Variants in PHF24 observed in about 807,000 individuals in gnomAD.
PHF24 encodes the protein Galpha inhibitory interacting protein.
A neutral mutation model predicts 42.6 loss-of-function variants in PHF24; 25 were observed. That is an observed-to-expected ratio of 0.59 (90% confidence interval 0.43 to 0.82). The LOEUF (loss-of-function observed/expected upper bound fraction) is 0.82, where lower values mean the gene tolerates loss of function less well. Among genes scored for constraint, PHF24 ranks in the 40% least tolerant of loss-of-function variants. PHF24 has a pLI of 0.00. For missense variants in PHF24, 470 were observed against 538.1 expected (o/e 0.87, Z 1.25); for synonymous variants, 185 against 204.8 (o/e 0.90, Z 0.83).
chr9:34,722,275 A>G, the PHF24 span, among the ~76,000 whole-genome samples: 1 of 152,300 alleles, frequency 6.6e-6, no homozygotes, highest in East Asian at 1.9e-4. Context: ...TAGAGAGAAC[A>G]GGATTTACTG....
At chr9:34,936,186 A>G in the PHF24 span, among the ~76,000 whole-genome samples, 15 of 152,020 alleles carry the variant, frequency 9.9e-5, no homozygotes, top group Admixed American at 3.3e-4. Context: ...CTCCTGCCTC[A>G]GCCTGCCGAG....
chr9:34,760,755 G>A, the PHF24 span, among the ~76,000 whole-genome samples: 4 of 152,252 alleles, frequency 2.6e-5, no homozygotes, highest in African/African-American at 9.6e-5. Context: ...ACTTTGTGAG[G>A]CCGAGGTGGG....
At chr9:34,766,494 A>C in the PHF24 span, among the ~76,000 whole-genome samples, 1 of 152,122 alleles carries the variant, frequency 6.6e-6, no homozygotes. Flanking sequence ...TGGTCTCATC[A>C]GCTCCTGAGG....
chr9:34,979,645 G>C (rs889957985), exon 8 of PHF24: 1 of 152,196 alleles, frequency 6.6e-6, no homozygotes, highest in Non-Finnish European at 1.5e-5. Context: ...GTGCTAAATC[G>C]GGTGCGTACA....
At chr9:34,835,945 T>C in the PHF24 span, 1 of 739,494 alleles carries the variant, frequency 1.4e-6, no homozygotes, top group Admixed American at 2.0e-5. Flanking sequence ...GTCATTCTCA[T>C]CCGCCAGCAA....
the PHF24 span, among the ~76,000 whole-genome samples, chr9:34,730,496 G>A: frequency 4.6e-5 from 7 of 152,174 alleles, no homozygotes. Flanking sequence ...CAGCAGATGT[G>A]GTAAGCACCC....
chr9:34,969,429 C>T (rs1826893129), intron 1 of PHF24, among the ~76,000 whole-genome samples: 2 of 151,808 alleles, frequency 1.3e-5, no homozygotes, highest in South Asian at 4.2e-4. Flanking sequence ...ATCATGAGGT[C>T]AGGAGATCGA....
chr9:34,855,079 A>G, the PHF24 span, among the ~76,000 whole-genome samples: 1 of 152,114 alleles, frequency 6.6e-6, no homozygotes, highest in Non-Finnish European at 1.5e-5. Flanking sequence ...CTGTTTTGTC[A>G]GAAACTAGGA....
chr9:34,805,180 G>A, the PHF24 span, among the ~76,000 whole-genome samples: 1 of 152,148 alleles, frequency 6.6e-6, no homozygotes, highest in South Asian at 2.1e-4. Flanking sequence ...TCATGTAAAA[G>A]TTTTTGTGTG....
At chr9:34,955,907 CTG>C (rs1290947698), upstream of PHF24, among the ~76,000 whole-genome samples, 3 of 152,302 alleles carry the variant, frequency 2.0e-5, no homozygotes, top group East Asian at 3.9e-4. Context: ...GTAGTAAAAG[CTG>C]TCTCTCCTCA....
chr9:34,752,884 A>G, the PHF24 span, among the ~76,000 whole-genome samples: 1 of 152,210 alleles, frequency 6.6e-6, no homozygotes, highest in African/African-American at 2.4e-5. Flanking sequence ...GGTTCAACAT[A>G]TGCAAATCAA....
chr9:34,868,985 A>T, the PHF24 span, among the ~76,000 whole-genome samples: 131 of 152,252 alleles, frequency 8.6e-4, no homozygotes, highest in Non-Finnish European at 1.5e-3. Context: ...GCTCCCACTT[A>T]TAAGTGAGAA....
the PHF24 span, among the ~76,000 whole-genome samples, chr9:34,740,012 A>G: frequency 6.6e-6 from 1 of 152,194 alleles, no homozygotes; most frequent in Non-Finnish European, 1.5e-5. Flanking sequence ...CAGAGTGTCG[A>G]TTGGTGCATT....
chr9:34,779,334 T>C, the PHF24 span, among the ~76,000 whole-genome samples: 14 of 152,100 alleles, frequency 9.2e-5, no homozygotes, highest in Non-Finnish European at 1.3e-4. Context: ...AATTAGTAAT[T>C]AAGAAGCTTC....
the PHF24 span, among the ~76,000 whole-genome samples, chr9:34,676,051 G>T: frequency 6.6e-6 from 1 of 152,180 alleles, no homozygotes; most frequent in South Asian, 2.1e-4. Context: ...ATATGTGTGT[G>T]GGAGGTGGAG....
chr9:34,943,466 C>T, the PHF24 span, among the ~76,000 whole-genome samples: 1 of 152,152 alleles, frequency 6.6e-6, no homozygotes, highest in Admixed American at 6.5e-5. Context: ...TTAGCCAGGA[C>T]TTCATTTATT....
At chr9:34,969,498 G>A (rs1333016017) in intron 1 of PHF24, among the ~76,000 whole-genome samples, 2 of 151,912 alleles carry the variant, frequency 1.3e-5, no homozygotes, top group Non-Finnish European at 2.9e-5. Flanking sequence ...AAAATTAGCC[G>A]GGCATGGTGG....
chr9:34,719,976 A>G, the PHF24 span, among the ~76,000 whole-genome samples: 1 of 152,200 alleles, frequency 6.6e-6, no homozygotes, highest in African/African-American at 2.4e-5. Flanking sequence ...GAGCAGGGAC[A>G]TATCCATGTT....
chr9:34,677,402 T>TTTTTTTTTTTTTG, the PHF24 span, among the ~76,000 whole-genome samples: 1 of 139,492 alleles, frequency 7.2e-6, no homozygotes, highest in African/African-American at 2.7e-5. Context: ...TTTTTTTTTT[T>TTTTTTTTTTTTTG]TTTTTTTTTT....
Sources: gnomAD v4.1 joint callset for allele counts (sites outside exome capture counted in the v4.1 genomes callset) on GRCh38, gnomAD v4.1.1 for gene constraint, MANE v1.5 for transcripts, NCBI Gene and HGNC (gene_info 2026-07-23, HGNC 2026-07-21) for gene names.